Variants in ST6GALNAC3 observed in about 807,000 individuals in gnomAD.
ST6GALNAC3 encodes the protein alpha-N-acetylgalactosaminide alpha-2,6-sialyltransferase 3.
ST6GALNAC3 carries 25 observed loss-of-function variants against 32.7 expected under a neutral mutation model. The observed-to-expected ratio is 0.76, with a 90% CI of 0.56 to 1.07. ST6GALNAC3 has a LOEUF of 1.07. Ranked by LOEUF, ST6GALNAC3 falls within the 50% of genes least tolerant of loss-of-function variation. The pLI, the probability that ST6GALNAC3 is intolerant of heterozygous loss-of-function variation, is 0.00. For synonymous variants in ST6GALNAC3, 129 were observed against 133.1 expected (o/e 0.97, Z 0.21); for missense variants, 355 against 382.4 (o/e 0.93, Z 0.60).
At chr1:76,348,441 A>G (rs2101014310) in intron 2 of ST6GALNAC3, among the ~76,000 whole-genome samples, 1 of 152,304 alleles carries the variant, frequency 6.6e-6, no homozygotes, top group South Asian at 2.1e-4. Flanking sequence ...GTGCTATGCC[A>G]ACTTCCCATT....
intron 1 of ST6GALNAC3, among the ~76,000 whole-genome samples, chr1:76,293,280 T>C (rs1183824787): frequency 6.6e-6 from 1 of 152,208 alleles, no homozygotes; most frequent in East Asian, 1.9e-4. Context: ...CATGGTGTTG[T>C]ATCTTTTGCA....
chr1:76,537,599 CAAAT>C (rs1203122677), intron 3 of ST6GALNAC3, among the ~76,000 whole-genome samples: 1 of 151,952 alleles, frequency 6.6e-6, no homozygotes, highest in Non-Finnish European at 1.5e-5. Flanking sequence ...AGAGAAGAAT[CAAAT>C]AAATAATGAT....
chr1:76,446,965 T>G (rs1449285117), intron 3 of ST6GALNAC3, among the ~76,000 whole-genome samples: 1 of 152,192 alleles, frequency 6.6e-6, no homozygotes, highest in Non-Finnish European at 1.5e-5. Context: ...AGTGGGGCAC[T>G]GCTGAAAAGA....
At chr1:76,408,938 GC>G (rs1654025538) in intron 2 of ST6GALNAC3, among the ~76,000 whole-genome samples, 2 of 152,076 alleles carry the variant, frequency 1.3e-5, no homozygotes, top group Non-Finnish European at 2.9e-5. Context: ...GCATTGATTT[GC>G]ATGACTGTAA....
intron 1 of ST6GALNAC3, among the ~76,000 whole-genome samples, chr1:76,231,304 T>C (rs2100638113): frequency 6.6e-6 from 1 of 152,284 alleles, no homozygotes. Flanking sequence ...ATGTTTGTTT[T>C]TTAAAATTTT....
chr1:76,418,238 A>T (rs1180014527), intron 3 of ST6GALNAC3, among the ~76,000 whole-genome samples: 1 of 152,122 alleles, frequency 6.6e-6, no homozygotes, highest in Non-Finnish European at 1.5e-5. Context: ...ATTGGCTCTC[A>T]TCCCTCAGGT....
intron 2 of ST6GALNAC3, among the ~76,000 whole-genome samples, chr1:76,332,491 C>T (rs1197794897): frequency 6.6e-6 from 1 of 152,130 alleles, no homozygotes; most frequent in East Asian, 1.9e-4. Context: ...CTTAAGTTGT[C>T]CACTATAAGA....
intron 3 of ST6GALNAC3, among the ~76,000 whole-genome samples, chr1:76,445,738 T>C (rs1286596835): frequency 6.6e-6 from 1 of 152,184 alleles, no homozygotes; most frequent in Non-Finnish European, 1.5e-5. Flanking sequence ...ACCATAAAGC[T>C]CTTTTTAAAA....
chr1:76,155,467 T>A (rs922762931), intron 1 of ST6GALNAC3, among the ~76,000 whole-genome samples: 5 of 152,150 alleles, frequency 3.3e-5, no homozygotes, highest in East Asian at 3.9e-4. Context: ...CTCCTTTTTT[T>A]ATTTATTTTA....
chr1:76,444,839 CCCCAGGCTTA>C (rs1343920586), intron 3 of ST6GALNAC3, among the ~76,000 whole-genome samples: 2 of 152,130 alleles, frequency 1.3e-5, no homozygotes, highest in Non-Finnish European at 2.9e-5. Flanking sequence ...CTTGCAAGGG[CCCCAGGCTTA>C]CTCTGTACCC....
chr1:76,503,006 G>A (rs111875073), intron 3 of ST6GALNAC3, among the ~76,000 whole-genome samples: 2 of 152,260 alleles, frequency 1.3e-5, no homozygotes, highest in African/African-American at 4.8e-5. Flanking sequence ...ATTTTAATTC[G>A]TATCTCAGTG....
chr1:76,203,660 C>T (rs746332838), intron 1 of ST6GALNAC3, among the ~76,000 whole-genome samples: 2 of 151,970 alleles, frequency 1.3e-5, no homozygotes, highest in Admixed American at 6.6e-5. Context: ...CATGTTTATT[C>T]AGATGGAAAT....
At chr1:76,529,065 T>TGTTGAA (rs1364461692) in intron 3 of ST6GALNAC3, among the ~76,000 whole-genome samples, 1 of 151,998 alleles carries the variant, frequency 6.6e-6, no homozygotes, top group Non-Finnish European at 1.5e-5. Flanking sequence ...AGGCATCACC[T>TGTTGAA]GTTGAAGATG....
At chr1:76,401,287 A>C (rs1352361809) in intron 2 of ST6GALNAC3, among the ~76,000 whole-genome samples, 3 of 151,894 alleles carry the variant, frequency 2.0e-5, no homozygotes, top group Admixed American at 1.3e-4. Context: ...AGCTTTATCT[A>C]ATTTGCTGTT....
chr1:76,393,527 A>G (rs1652721986), intron 2 of ST6GALNAC3, among the ~76,000 whole-genome samples: 1 of 152,116 alleles, frequency 6.6e-6, no homozygotes, highest in African/African-American at 2.4e-5. Flanking sequence ...TCTAAGTAGC[A>G]TTTTTCTACC....
At chr1:76,551,050 G>A (rs932994620) in intron 3 of ST6GALNAC3, among the ~76,000 whole-genome samples, 1 of 152,150 alleles carries the variant, frequency 6.6e-6, no homozygotes, top group Non-Finnish European at 1.5e-5. Flanking sequence ...TAGGATTACA[G>A]GTGTGAGCCA....
At chr1:76,595,521 T>G (rs970298056) in intron 3 of ST6GALNAC3, among the ~76,000 whole-genome samples, 1 of 152,252 alleles carries the variant, frequency 6.6e-6, no homozygotes, top group East Asian at 1.9e-4. Context: ...ATTCTAAGCT[T>G]AATCGATTGC....
At chr1:76,111,680 C>A (rs1247707247) in intron 1 of ST6GALNAC3, among the ~76,000 whole-genome samples, 5 of 150,064 alleles carry the variant, frequency 3.3e-5, no homozygotes, top group African/African-American at 1.2e-4. Flanking sequence ...TTTAACAAAG[C>A]ACATCTTGCA....
chr1:76,395,601 A>G (rs977123081), intron 2 of ST6GALNAC3, among the ~76,000 whole-genome samples: 2 of 150,652 alleles, frequency 1.3e-5, no homozygotes, highest in Admixed American at 1.3e-4. Context: ...ACACACACGC[A>G]CACACACACA....
Sources: allele counts gnomAD v4.1 joint callset (sites outside exome capture counted in the v4.1 genomes callset), GRCh38; gene constraint gnomAD v4.1.1; transcripts MANE v1.5; gene names NCBI Gene and HGNC (gene_info 2026-07-23, HGNC 2026-07-21).